The following PDE10A variants were observed in gnomAD, a reference collection of about 807,000 sequenced individuals.
PDE10A encodes the protein cAMP and cAMP-inhibited cGMP 3',5'-cyclic phosphodiesterase 10A.
A neutral mutation model predicts 97.7 loss-of-function variants in PDE10A; 39 were observed. The observed-to-expected ratio is 0.40, with a 90% confidence interval of 0.31 to 0.52. PDE10A has a LOEUF of 0.52. PDE10A is among the 20% of genes least tolerant of loss of function. PDE10A has a pLI of 0.56. For synonymous variants in PDE10A, 371 were observed against 376.8 expected, an observed-to-expected ratio of 0.98 and a Z score of 0.18; for missense variants, 731 against 1,047.8, an observed-to-expected ratio of 0.70 and a Z score of 4.17.
At chr6:165,971,773 A>C (rs1044996517) in intron 1 of PDE10A, among the ~76,000 whole-genome samples, 1 of 152,344 alleles carries the variant, frequency 6.6e-6, no homozygotes, top group East Asian at 1.9e-4. Flanking sequence ...AGACATTTCC[A>C]AAGATAACTT....
At chr6:165,339,236 T>G (rs754438900) in intron 20 of PDE10A, 42 bp downstream of exon 20, 2 of 1,127,210 alleles carry the variant, frequency 1.8e-6, no homozygotes, top group Non-Finnish European at 2.7e-6. Context: ...CACCTTAAAC[T>G]ATTTGGCTTT....
chr6:165,590,664 G>C (rs1283802411), intron 1 of PDE10A, among the ~76,000 whole-genome samples: 2 of 152,122 alleles, frequency 1.3e-5, no homozygotes, highest in African/African-American at 4.8e-5. Flanking sequence ...GGCCGAGGCG[G>C]GTGGATCACG....
chr6:165,822,506 C>T (rs907900329), intron 1 of PDE10A, among the ~76,000 whole-genome samples: 1 of 152,348 alleles, frequency 6.6e-6, no homozygotes, highest in African/African-American at 2.4e-5. Flanking sequence ...TGCTCCCAGG[C>T]TGCAAACCTA....
At position 165,332,948 on chromosome 6, in the gene PDE10A, C is replaced by G. The variant is rs565589313; in HGVS notation, c.*77G>C. The G allele has an allele frequency of 2.0e-5, 14 of 686,642 alleles. No homozygotes were observed. The highest frequency in any genetic ancestry group is 2.0e-4 in the African/African-American group (11 of 54,338). The allele number at this position is 686,642 out of a possible 1,614,324, so 42.5% of individuals were successfully genotyped here. A position where few individuals can be genotyped will look rare whatever the true frequency, so the allele number is the denominator to read the frequency against. On this transcript the variant is annotated 3_prime_UTR_variant, in exon 22 of 22. Transcript: ENST00000539869. ...CCAGGTGCAGGTTCCCCCCACCCCCCCCAAAAAAAGGAAAAGAATGTCAAA... is the reference window on the plus strand; with the variant it reads ...CCAGGTGCAGGTTCCCCCCACCCCCGCCAAAAAAAGGAAAAGAATGTCAAA...
intron 3 of PDE10A, among the ~76,000 whole-genome samples, chr6:165,465,865 G>T (rs897096459): frequency 5.3e-5 from 8 of 152,192 alleles, no homozygotes; most frequent in Non-Finnish European, 1.2e-4. Context: ...ACCATATCAG[G>T]TATGATTTAG....
chr6:165,467,199 T>C (rs910720326), intron 3 of PDE10A, among the ~76,000 whole-genome samples: 5 of 152,208 alleles, frequency 3.3e-5, no homozygotes, highest in African/African-American at 1.2e-4. Flanking sequence ...AAAGAAGCCA[T>C]CTTCATAACA....
rs149288641 is a variant in PDE10A, at chr6:165,577,093, A to G, written c.866-33525T>C. On this transcript the variant is annotated intron_variant, in intron 1 of 21. Transcript: ENST00000539869. ...AGAAGCAGATCCAAAGGGTGTGAGTAACTGAATCCATCAATCCTGGAGTTG... is the reference window on the plus strand; with the variant it reads ...AGAAGCAGATCCAAAGGGTGTGAGTGACTGAATCCATCAATCCTGGAGTTG... Among the ~76,000 whole-genome samples the G allele has an allele frequency of 1.8e-4, 28 of 152,356 alleles. 1 individual carries two copies. In the East Asian group the frequency reaches 5.4e-3, roughly 29 times the overall value.
chr6:165,630,930 C>G (rs1053802127), intron 1 of PDE10A, among the ~76,000 whole-genome samples: 2 of 152,190 alleles, frequency 1.3e-5, no homozygotes, highest in Non-Finnish European at 2.9e-5. Flanking sequence ...TGCTCGCTTG[C>G]TCTAAGGCCA....
intron 1 of PDE10A, among the ~76,000 whole-genome samples, chr6:165,926,999 T>G (rs192404224): frequency 6.6e-6 from 1 of 151,858 alleles, no homozygotes; most frequent in Non-Finnish European, 1.5e-5. Context: ...ACATGCTATG[T>G]TCTCACTTAT....
intron 1 of PDE10A, among the ~76,000 whole-genome samples, chr6:165,615,951 T>C (rs528430530): frequency 1.6e-4 from 24 of 152,378 alleles, no homozygotes; most frequent in African/African-American, 5.8e-4. Flanking sequence ...TAAATCTATT[T>C]TTATTGATTC....
chr6:165,554,127 T>C (rs1212637039), intron 1 of PDE10A, among the ~76,000 whole-genome samples: 1 of 152,098 alleles, frequency 6.6e-6, no homozygotes, highest in Non-Finnish European at 1.5e-5. Flanking sequence ...CAATACCTCA[T>C]AAGCATAGGC....
chr6:165,771,186 A>C (rs1343342593), intron 1 of PDE10A, among the ~76,000 whole-genome samples: 2 of 152,260 alleles, frequency 1.3e-5, no homozygotes, highest in African/African-American at 4.8e-5. Context: ...AGAGATGCAG[A>C]GAGCCTACCG....
chr6:165,652,456 G>C lies in PDE10A; in HGVS notation c.865+9491C>G, dbSNP rs183410704. ...CCCACCTAAGCCTCCCAAAGTGCTA[G>C]GATTACCGGCAAGAGCCACCTCGCC... is the stretch of plus-strand genomic sequence containing the variant. On this transcript the variant is annotated intron_variant, in intron 1 of 21. Transcript: ENST00000539869. Among the ~76,000 whole-genome samples the C allele has an allele frequency of 2.1e-4, 32 of 152,154 alleles. No individual in the cohort carries two copies. The East Asian group carries it at 5.2e-3, about 25-fold the overall frequency.
At position 165,945,077 on chromosome 6, in the gene PDE10A, C is replaced by T. The variant is rs377385120; in HGVS notation, c.-615+42452G>A. On this transcript the variant is annotated intron_variant, in intron 1 of 19. Coordinates refer to the PDE10A transcript ENST00000366882. ...GGTTGGTTTGTGTGACCAACAGAAC[C>T]CAGAAGAAGTGAGAGTGTGTCACTT... 4.4e-4 allele frequency among the ~76,000 whole-genome samples: 67 copies of T among 152,216 alleles called. 1 individual carries two copies. The highest frequency in any genetic ancestry group is 1.6e-3 in the African/African-American group (66 of 41,538).
intron 1 of PDE10A, among the ~76,000 whole-genome samples, chr6:165,567,878 A>G (rs1184205756): frequency 6.6e-6 from 1 of 150,448 alleles, no homozygotes; most frequent in East Asian, 2.0e-4. Context: ...CTGATAATCT[A>G]TTTATCTGCT....
chr6:165,520,810 A>G (rs1346182842), intron 2 of PDE10A, among the ~76,000 whole-genome samples: 1 of 152,146 alleles, frequency 6.6e-6, no homozygotes, highest in Non-Finnish European at 1.5e-5. Context: ...CCATCAGTGT[A>G]TTGGGTGGAC....
rs75670977 is a variant in PDE10A at position 165,595,649 on chromosome 6, C to T, written c.866-52081G>A. Among the ~76,000 whole-genome samples, 151 of 152,306 alleles carry T rather than the reference C, an allele frequency of 9.9e-4. 4 individuals carry two copies. In the East Asian group the frequency reaches 0.028, roughly 28 times the overall value. Reference sequence around the variant, plus strand: ...GTCCATTCAGGCTGTAACAAAACACCTTAGACTGGATAATCTAGGAACAAC... The same window carrying T: ...GTCCATTCAGGCTGTAACAAAACACTTTAGACTGGATAATCTAGGAACAAC... On this transcript the variant is annotated intron_variant, in intron 1 of 21. Coordinates refer to ENST00000539869, the MANE Select transcript of PDE10A (RefSeq NM_001385079.1).
chr6:165,377,959 A>C (rs1181280552), intron 18 of PDE10A, among the ~76,000 whole-genome samples: 1 of 152,228 alleles, frequency 6.6e-6, no homozygotes, highest in Non-Finnish European at 1.5e-5. Flanking sequence ...CCATGTGTGA[A>C]AATAAGATAT....
At chr6:165,929,512 C>A (rs559134607) in intron 1 of PDE10A, among the ~76,000 whole-genome samples, 1 of 152,282 alleles carries the variant, frequency 6.6e-6, no homozygotes, top group Admixed American at 6.5e-5. Context: ...AGGCTGCCCA[C>A]GGGACCCGGA....
Sources: allele counts gnomAD v4.1 joint callset (sites outside exome capture counted in the v4.1 genomes callset), GRCh38; gene constraint gnomAD v4.1.1; transcripts MANE v1.5; gene names NCBI Gene and HGNC (gene_info 2026-07-23, HGNC 2026-07-21).